DCLK2: variants seen among roughly 807,000 people sequenced by gnomAD.
The protein encoded by DCLK2 is doublecortin like kinase 2.
In DCLK2, 31 loss-of-function variants were observed where a neutral mutation model predicts 78.4. The observed-to-expected ratio is 0.40, with a 90% CI of 0.30 to 0.53. The LOEUF (loss-of-function observed/expected upper bound fraction) is 0.53, where lower values mean the gene tolerates loss of function less well. DCLK2 is among the 20% of genes least tolerant of loss of function. The pLI is 0.61. For missense variants in DCLK2, 872 were observed against 973.7 expected (o/e 0.90, Z 1.39); for synonymous variants, 407 against 374.9 (o/e 1.09, Z -0.99).
chr4:150,138,881 G>C (rs576013594), intron 2 of DCLK2, among the ~76,000 whole-genome samples: 6 of 151,918 alleles, frequency 3.9e-5, no homozygotes, highest in South Asian at 2.1e-4. Context: ...AGCCAGGATG[G>C]TCTCAATCTC....
chr4:150,203,602 G>GTT (rs5862912), intron 4 of DCLK2, among the ~76,000 whole-genome samples, 193 bp from the exon 5 acceptor site: 35,826 of 141,864 alleles, frequency 0.25, 4,748 homozygotes, highest in African/African-American at 0.27. Context: ...GTTTCACTCT[G>GTT]TTTTTTTTTT....
intron 2 of DCLK2, among the ~76,000 whole-genome samples, chr4:150,174,160 G>C (rs540627759): frequency 6.2e-4 from 95 of 152,250 alleles, no homozygotes; most frequent in African/African-American, 2.2e-3. Flanking sequence ...AGGCACAGAC[G>C]CATGTGCACA....
intron 2 of DCLK2, among the ~76,000 whole-genome samples, chr4:150,187,694 G>A (rs886915562): frequency 2.6e-5 from 4 of 152,084 alleles, no homozygotes; most frequent in African/African-American, 9.7e-5. Flanking sequence ...CACATAATGA[G>A]TGCTCAGTAA....
intron 2 of DCLK2, among the ~76,000 whole-genome samples, chr4:150,160,983 T>C (rs10002193): frequency 0.27 from 40,697 of 152,048 alleles, 5,675 homozygotes; most frequent in South Asian, 0.49. Flanking sequence ...AATCTGTCCC[T>C]GTAACTTAAA....
At chr4:150,135,843 GGAAGAA>G (rs1374144950) in intron 2 of DCLK2, among the ~76,000 whole-genome samples, 1 of 152,212 alleles carries the variant, frequency 6.6e-6, no homozygotes, top group Non-Finnish European at 1.5e-5. Context: ...ATGTTTAGTA[GGAAGAA>G]AGCTCTATTA....
intron 5 of DCLK2, among the ~76,000 whole-genome samples, chr4:150,215,407 G>C (rs541414802): frequency 1.3e-5 from 2 of 152,296 alleles, no homozygotes; most frequent in Admixed American, 6.5e-5. Flanking sequence ...TCTGGAACTT[G>C]TGAATGACCA....
intron 15 of DCLK2, chr4:150,253,416 G>A (rs758041800): frequency 7.8e-7 from 1 of 1,288,554 alleles, no homozygotes; most frequent in Non-Finnish European, 1.0e-6. Flanking sequence ...CTAGAAATTG[G>A]TCCATAAAGG....
At chr4:150,254,474 C>T (rs1193571861) in intron 15 of DCLK2, 1 of 398,812 alleles carries the variant, frequency 2.5e-6, no homozygotes, top group East Asian at 3.6e-5. Context: ...TGCCTTCTGC[C>T]ACACACGCCC....
chr4:150,179,332 TTTC>T (rs1426120992), intron 2 of DCLK2, among the ~76,000 whole-genome samples: 3 of 152,140 alleles, frequency 2.0e-5, no homozygotes, highest in Non-Finnish European at 2.9e-5. Context: ...CCAGCCAAGA[TTTC>T]TTCTTTTAAT....
intron 8 of DCLK2, among the ~76,000 whole-genome samples, chr4:150,228,701 G>T (rs1741799829): frequency 6.6e-6 from 1 of 152,230 alleles, no homozygotes. Flanking sequence ...ATAGGAGTTT[G>T]CCAAGAAGTA....
At chr4:150,148,097 G>A (rs916841229) in intron 2 of DCLK2, among the ~76,000 whole-genome samples, 10 of 152,206 alleles carry the variant, frequency 6.6e-5, no homozygotes, top group African/African-American at 2.4e-4. Flanking sequence ...GCTGGTCACA[G>A]TGGTTCACGC....
At chr4:150,093,285 T>C (rs1442471223) in intron 1 of DCLK2, among the ~76,000 whole-genome samples, 1 of 152,218 alleles carries the variant, frequency 6.6e-6, no homozygotes, top group African/African-American at 2.4e-5. Flanking sequence ...TGGATAGACA[T>C]CCTGTGTTCA....
rs1284988893 is a variant in DCLK2, at chr4:150,175,121, T to TTA, written c.757-18006_757-18005dup. Among the ~76,000 whole-genome samples, 7 of 81,018 alleles carry TTA rather than the reference T, an allele frequency of 8.6e-5. 1 individual carries two copies. Among genetic ancestry groups the TTA allele is most frequent in the Non-Finnish European group, 1.4e-4 (6 of 42,482 alleles). The allele number at this position is 81,018 out of a possible 152,430, so 53.2% of individuals were successfully genotyped here. On this transcript the variant is annotated intron_variant, in intron 2 of 15. Transcript: ENST00000296550. ...ATATATATTTATATATTTATATTTTTTATATATATATAATTTATGTATATT... is the reference window on the plus strand; with the variant it reads ...ATATATATTTATATATTTATATTTTTTATATATATATATAATTTATGTATATT...
chr4:150,126,108 A>G (rs1285939041), intron 2 of DCLK2, among the ~76,000 whole-genome samples: 7 of 152,236 alleles, frequency 4.6e-5, no homozygotes, highest in Admixed American at 2.6e-4. Flanking sequence ...CTCACAAAGG[A>G]GTCAACTGAT....
intron 4 of DCLK2, among the ~76,000 whole-genome samples, chr4:150,200,307 A>G (rs1195114883): frequency 6.6e-6 from 1 of 152,234 alleles, no homozygotes; most frequent in African/African-American, 2.4e-5. Flanking sequence ...GTAAGCCTCA[A>G]ACTCATCAAG....
intron 2 of DCLK2, among the ~76,000 whole-genome samples, chr4:150,116,767 G>A (rs995265663): frequency 6.6e-6 from 1 of 152,188 alleles, no homozygotes; most frequent in East Asian, 1.9e-4. Flanking sequence ...GACAGAGTCA[G>A]GGCCTCTTGG....
intron 1 of DCLK2, among the ~76,000 whole-genome samples, chr4:150,082,504 A>G (rs561260322): frequency 1.2e-4 from 19 of 152,308 alleles, no homozygotes; most frequent in African/African-American, 4.6e-4. Flanking sequence ...AAGCTGTTCT[A>G]GTGTGAGCTG....
At chr4:150,143,597 A>T (rs1305518539) in intron 2 of DCLK2, among the ~76,000 whole-genome samples, 1 of 152,204 alleles carries the variant, frequency 6.6e-6, no homozygotes, top group Non-Finnish European at 1.5e-5. Flanking sequence ...GAATAGTAGT[A>T]TAGTTCTGTT....
intron 2 of DCLK2, among the ~76,000 whole-genome samples, chr4:150,135,507 C>T (rs539177274): frequency 6.6e-6 from 1 of 152,270 alleles, no homozygotes; most frequent in Admixed American, 6.5e-5. Flanking sequence ...TAAGACCCAT[C>T]ACCGTCTTCA....
Sources: allele counts gnomAD v4.1 joint callset (sites outside exome capture counted in the v4.1 genomes callset), GRCh38; gene constraint gnomAD v4.1.1; transcripts MANE v1.5; gene names NCBI Gene and HGNC (gene_info 2026-07-23, HGNC 2026-07-21).